Variants in IPO11 observed in about 807,000 individuals in gnomAD.
IPO11 encodes importin 11.
Under a neutral mutation model 143.2 loss-of-function variants are expected in IPO11, and 66 were observed. That is an observed-to-expected ratio of 0.46 (90% CI 0.38 to 0.57). The LOEUF (loss-of-function observed/expected upper bound fraction) is 0.57. Ranked by LOEUF, IPO11 falls within the 20% of genes least tolerant of loss-of-function variation. The probability of loss-of-function intolerance (pLI) is 0.00; values close to 1 mark genes in which losing one functional copy is unlikely to be tolerated. For missense variants in IPO11, 1,026 were observed against 1,141.0 expected (o/e 0.90, Z 1.45); for synonymous variants, 385 against 377.8 (o/e 1.02, Z -0.22).
Position 62,450,781 on chromosome 5 carries a change from C to CT in IPO11, c.312+791dup, listed in dbSNP as rs530191402. On this transcript the variant is annotated intron_variant, in intron 4 of 29. Transcript: ENST00000325324. ...GATAGTAAATTATGTACAGCTTTAT[C>CT]TTTTTTTTTATATTGAGGTCTTCTA... Among the ~76,000 whole-genome samples, 41 of 149,538 alleles carry CT rather than the reference C, an allele frequency of 2.7e-4. 1 individual carries two copies. In the East Asian group the frequency reaches 4.7e-3, roughly 17 times the overall value.
intron 5 of IPO11, among the ~76,000 whole-genome samples, chr5:62,453,995 C>T (rs992635071): frequency 1.3e-5 from 2 of 151,878 alleles, no homozygotes; most frequent in African/African-American, 2.4e-5. Context: ...AATAGCCGGG[C>T]GTGGTGGCAC....
chr5:62,477,143 C>G (rs1310266543), intron 9 of IPO11, among the ~76,000 whole-genome samples: 1 of 152,176 alleles, frequency 6.6e-6, no homozygotes, highest in African/African-American at 2.4e-5. Context: ...ATCAGACTAT[C>G]TTCGTCCATA....
At chr5:62,490,054 C>A in intron 14 of IPO11, 61 bp from the exon 15 acceptor site, 1 of 865,246 alleles carries the variant, frequency 1.2e-6, no homozygotes, top group South Asian at 2.1e-5. Context: ...ATGTTTCATA[C>A]ACTCATTTGC....
chr5:62,547,310 A>C (rs1211198666), intron 24 of IPO11, among the ~76,000 whole-genome samples: 5 of 152,176 alleles, frequency 3.3e-5, no homozygotes, highest in African/African-American at 1.2e-4. Flanking sequence ...TAAGAGAAAT[A>C]ATATCGGACC....
intron 16 of IPO11, among the ~76,000 whole-genome samples, chr5:62,500,083 A>G (rs1741297549): frequency 6.6e-6 from 1 of 152,204 alleles, no homozygotes; most frequent in Non-Finnish European, 1.5e-5. Context: ...CCAGGAATTC[A>G]ATACCAGTTT....
chr5:62,536,095 T>A (rs1742724202), intron 22 of IPO11, among the ~76,000 whole-genome samples: 2 of 152,306 alleles, frequency 1.3e-5, no homozygotes, highest in East Asian at 3.8e-4. Flanking sequence ...TATCTAAACA[T>A]AATATAATTT....
intron 1 of IPO11, among the ~76,000 whole-genome samples, chr5:62,427,585 C>G (rs1410737063): frequency 6.6e-6 from 1 of 152,178 alleles, no homozygotes; most frequent in South Asian, 2.1e-4. Context: ...CACCTCCTGT[C>G]AGATCAGCAG....
intron 2 of IPO11, among the ~76,000 whole-genome samples, chr5:62,442,199 G>A (rs1440160208): frequency 1.3e-5 from 2 of 152,118 alleles, no homozygotes; most frequent in African/African-American, 4.8e-5. Flanking sequence ...CTATGAAATA[G>A]TTTTATTTCA....
At chr5:62,548,707 G>GT (rs1743293123) in intron 24 of IPO11, among the ~76,000 whole-genome samples, 1 of 151,994 alleles carries the variant, frequency 6.6e-6, no homozygotes, top group Admixed American at 6.6e-5. Flanking sequence ...TACTTTCTGT[G>GT]TTTTTTGGAG....
intron 16 of IPO11, among the ~76,000 whole-genome samples, chr5:62,503,407 G>T (rs1446300640): frequency 6.8e-6 from 1 of 146,258 alleles, no homozygotes; most frequent in African/African-American, 2.5e-5. Context: ...TATATTAATA[G>T]TATCTATTAA....
Position 62,601,791 on chromosome 5 carries a change from A to G in IPO11, c.2706A>G (p.Glu902=). 4 of 1,593,582 alleles carry G rather than the reference A, an allele frequency of 2.5e-6. No homozygotes were observed. The highest frequency in any genetic ancestry group is 2.6e-6 in the Non-Finnish European group (3 of 1,169,586). ...KDCMLMSHLE[E]PKVTEDEEPP... is the part of the protein sequence containing the mutation. ...GTATGTTGATGTCTCATCTTGAGGA[A>G]CCAAAAGTAACAGAAGATGAAGAAC... The change falls in exon 29 of 30, where the codon GAA becomes GAG. Residue 902 remains glutamate, a synonymous_variant. Transcript: ENST00000325324.
chr5:62,595,019 G>A (rs929541808), intron 28 of IPO11, among the ~76,000 whole-genome samples: 1 of 152,214 alleles, frequency 6.6e-6, no homozygotes, highest in East Asian at 1.9e-4. Context: ...TCACTTTGAT[G>A]CATTGTGGAG....
At chr5:62,413,866 A>C (rs75590808) in intron 1 of IPO11, among the ~76,000 whole-genome samples, 1 of 152,246 alleles carries the variant, frequency 6.6e-6, no homozygotes, top group Non-Finnish European at 1.5e-5. Context: ...TGACTCTTCT[A>C]TAGGAGACAT....
chr5:62,503,178 T>C (rs1170273800), intron 16 of IPO11, among the ~76,000 whole-genome samples: 1 of 152,046 alleles, frequency 6.6e-6, no homozygotes, highest in Non-Finnish European at 1.5e-5. Flanking sequence ...CTGTGAATTG[T>C]TAATATTGTA....
chr5:62,456,320 A>T (rs1745153560), intron 5 of IPO11, among the ~76,000 whole-genome samples: 1 of 152,136 alleles, frequency 6.6e-6, no homozygotes, highest in South Asian at 2.1e-4. Flanking sequence ...CATTTTCTGT[A>T]AAACAGTATG....
rs916636506 is a variant in IPO11, at chr5:62,590,431, A to G, written c.2583-1146A>G. On this transcript the variant is annotated intron_variant, in intron 27 of 29. Coordinates refer to ENST00000325324, the MANE Select transcript of IPO11 (RefSeq NM_016338.5). ...TGCCTAAAAACTTGTTTAGTCTCTT[A>G]AATTACCCTAACTTGACCTACTTCC... Among the ~76,000 whole-genome samples, 4 of 152,166 alleles carry G rather than the reference A, an allele frequency of 2.6e-5. No individual in the cohort carries two copies. In the East Asian group the frequency reaches 5.8e-4, roughly 22 times the overall value.
intron 5 of IPO11, among the ~76,000 whole-genome samples, chr5:62,464,834 T>C (rs1022398846): frequency 4.6e-5 from 7 of 152,194 alleles, no homozygotes; most frequent in African/African-American, 1.7e-4. Flanking sequence ...AAAATTTCAA[T>C]ATAAAGTCCT....
chr5:62,496,730 C>G (rs1741171343), intron 16 of IPO11, among the ~76,000 whole-genome samples: 1 of 152,076 alleles, frequency 6.6e-6, no homozygotes, highest in Admixed American at 6.6e-5. Context: ...TATATATAAA[C>G]ATATACACAA....
chr5:62,524,070 T>G (rs187804762), intron 20 of IPO11, among the ~76,000 whole-genome samples: 109 of 152,286 alleles, frequency 7.2e-4, no homozygotes, highest in African/African-American at 2.6e-3. Context: ...GTAGTTTTCT[T>G]ATTTTAATAA....
Sources: gnomAD v4.1 joint callset for allele counts (sites outside exome capture counted in the v4.1 genomes callset) on GRCh38, gnomAD v4.1.1 for gene constraint, MANE v1.5 for transcripts, NCBI Gene and HGNC (gene_info 2026-07-23, HGNC 2026-07-21) for gene names.